Variants in MACROD2 observed in about 807,000 individuals in gnomAD.
MACROD2 encodes ADP-ribose glycohydrolase MACROD2.
A neutral mutation model predicts 70.4 loss-of-function variants in MACROD2; 36 were observed. The ratio of observed to expected loss-of-function variants is 0.51; its 90% CI spans 0.39 to 0.68. The LOEUF is 0.68. Ranked by LOEUF, MACROD2 falls within the 30% of genes least tolerant of loss-of-function variation. MACROD2 has a pLI of 0.00. For synonymous variants in MACROD2, 172 were observed against 178.8 expected (o/e 0.96, Z 0.30); for missense variants, 496 against 538.4 (o/e 0.92, Z 0.78).
chr20:15,340,521 G>A (rs2078099884), intron 6 of MACROD2, among the ~76,000 whole-genome samples: 1 of 151,978 alleles, frequency 6.6e-6, no homozygotes. Context: ...ACTCTGCTCG[G>A]GCTTCCTGGA....
chr20:14,698,071 C>T (rs2071147352), intron 5 of MACROD2, among the ~76,000 whole-genome samples: 4 of 152,252 alleles, frequency 2.6e-5, no homozygotes, highest in Non-Finnish European at 5.9e-5. Flanking sequence ...ACAGGGACCT[C>T]ACCCTCATGG....
At chr20:15,698,771 T>G (rs1293974600) in intron 8 of MACROD2, among the ~76,000 whole-genome samples, 1 of 152,150 alleles carries the variant, frequency 6.6e-6, no homozygotes, top group Non-Finnish European at 1.5e-5. Flanking sequence ...GTTTATATTT[T>G]CTTACTCCTT....
chr20:15,381,556 C>G (rs2045644613), intron 6 of MACROD2, among the ~76,000 whole-genome samples: 2 of 152,008 alleles, frequency 1.3e-5, no homozygotes, highest in African/African-American at 4.8e-5. Context: ...ATACCATCTA[C>G]TTGGGAGGCT....
chr20:14,684,582 A>G (rs918554674), intron 4 of MACROD2, among the ~76,000 whole-genome samples: 2 of 152,072 alleles, frequency 1.3e-5, no homozygotes, highest in African/African-American at 4.8e-5. Flanking sequence ...CCCACCCCAG[A>G]GAACCTGTTG....
At chr20:14,942,886 A>C (rs1003083033) in intron 5 of MACROD2, among the ~76,000 whole-genome samples, 1 of 152,128 alleles carries the variant, frequency 6.6e-6, no homozygotes, top group Admixed American at 6.5e-5. Context: ...TTAACTGATA[A>C]AATAATTTGC....
intron 10 of MACROD2, among the ~76,000 whole-genome samples, chr20:15,897,470 G>A (rs926408994): frequency 4.6e-5 from 7 of 151,946 alleles, no homozygotes; most frequent in Admixed American, 1.3e-4. Context: ...AAATTCTCAC[G>A]TATCACTGCA....
chr20:14,731,022 C>T (rs2123702382), intron 5 of MACROD2, among the ~76,000 whole-genome samples: 1 of 151,828 alleles, frequency 6.6e-6, no homozygotes, highest in Non-Finnish European at 1.5e-5. Context: ...CACACACACA[C>T]TCACAAACAC....
chr20:15,791,444 T>TA (rs2063624092), intron 8 of MACROD2, among the ~76,000 whole-genome samples: 6 of 151,378 alleles, frequency 4.0e-5, no homozygotes, highest in Non-Finnish European at 3.0e-5. Context: ...GTGGGCAATT[T>TA]TAAAAAAAAA....
intron 3 of MACROD2, among the ~76,000 whole-genome samples, chr20:14,151,502 T>C (rs1384656141): frequency 6.6e-6 from 1 of 152,158 alleles, no homozygotes; most frequent in African/African-American, 2.4e-5. Flanking sequence ...AGAGAAAAGA[T>C]ACATTGTTTT....
At chr20:14,565,352 A>G (rs1979723006) in intron 4 of MACROD2, among the ~76,000 whole-genome samples, 1 of 151,358 alleles carries the variant, frequency 6.6e-6, no homozygotes, top group African/African-American at 2.4e-5. Context: ...AAAATGTAAA[A>G]AAAAAAATTT....
intron 3 of MACROD2, among the ~76,000 whole-genome samples, chr20:14,129,421 C>T (rs914658163): frequency 6.6e-6 from 1 of 152,180 alleles, no homozygotes; most frequent in Non-Finnish European, 1.5e-5. Flanking sequence ...TGAGGAATTG[C>T]TTCTTATGGA....
intron 5 of MACROD2, among the ~76,000 whole-genome samples, chr20:14,829,733 G>A (rs1418244616): frequency 6.6e-6 from 1 of 152,002 alleles, no homozygotes; most frequent in African/African-American, 2.4e-5. Context: ...GCCTTTGAAT[G>A]CAATTTGTGA....
chr20:14,291,555 A>G (rs2082386419), intron 3 of MACROD2, among the ~76,000 whole-genome samples: 1 of 151,906 alleles, frequency 6.6e-6, no homozygotes, highest in African/African-American at 2.4e-5. Context: ...TGCAAATTTG[A>G]TAAGTATTAT....
At chr20:15,877,255 T>C (rs1054993324) in intron 9 of MACROD2, among the ~76,000 whole-genome samples, 11 of 152,110 alleles carry the variant, frequency 7.2e-5, no homozygotes, top group African/African-American at 2.7e-4. Flanking sequence ...CAAAATTAAA[T>C]TCAAAATCTG....
chr20:14,842,082 G>A (rs1416280025), intron 5 of MACROD2, among the ~76,000 whole-genome samples: 1 of 152,022 alleles, frequency 6.6e-6, no homozygotes, highest in African/African-American at 2.4e-5. Context: ...AAAATTAAAG[G>A]GCTGCATCTG....
At chr20:15,833,224 T>C (rs1178315439) in intron 8 of MACROD2, among the ~76,000 whole-genome samples, 1 of 152,132 alleles carries the variant, frequency 6.6e-6, no homozygotes, top group African/African-American at 2.4e-5. Context: ...TGGCTGAAAA[T>C]AGAACCCTCA....
At position 15,519,145 on chromosome 20, in the gene MACROD2, C is replaced by T. The variant is rs147426234; in HGVS notation, c.645+19298C>T. 4.6e-3 allele frequency among the ~76,000 whole-genome samples: 680 copies of T among 148,848 alleles called. 8 individuals carry two copies. The highest frequency in any genetic ancestry group is 0.016 in the African/African-American group (639 of 40,376). ...TTTCTTTCTTTCTTTTTCTCTTGCT[C>T]TGTCGCCCAGGCTGGAGTGCAGTGG... On this transcript the variant is annotated intron_variant, in intron 8 of 17. Coordinates refer to ENST00000684519, the MANE Select transcript of MACROD2 (RefSeq NM_001351661.2).
At chr20:14,362,593 C>T (rs2083232606) in intron 3 of MACROD2, among the ~76,000 whole-genome samples, 1 of 152,140 alleles carries the variant, frequency 6.6e-6, no homozygotes, top group Non-Finnish European at 1.5e-5. Flanking sequence ...GGTTTAATTG[C>T]TCTATCTAGG....
intron 6 of MACROD2, among the ~76,000 whole-genome samples, chr20:15,253,112 A>G (rs1382459461): frequency 3.9e-5 from 6 of 152,210 alleles, no homozygotes; most frequent in African/African-American, 1.4e-4. Flanking sequence ...AGGCCAAACC[A>G]GCTACTTTGA....
Sources: gnomAD v4.1 joint callset for allele counts (sites outside exome capture counted in the v4.1 genomes callset) on GRCh38, gnomAD v4.1.1 for gene constraint, MANE v1.5 for transcripts, NCBI Gene and HGNC (gene_info 2026-07-23, HGNC 2026-07-21) for gene names.